The following ADARB2 variants were observed in gnomAD, a reference collection of about 807,000 sequenced individuals.
The protein encoded by ADARB2 is adenosine deaminase RNA specific B2 (inactive).
A neutral mutation model predicts 62.2 loss-of-function variants in ADARB2; 25 were observed. That is an observed-to-expected ratio of 0.40 (90% CI 0.29 to 0.56). ADARB2 has a LOEUF of 0.56. Ranked by LOEUF, ADARB2 falls within the 20% of genes least tolerant of loss-of-function variation. ADARB2 has a pLI of 0.43. For missense variants in ADARB2, 1,071 were observed against 1,077.4 expected, an observed-to-expected ratio of 0.99 and a Z score of 0.08; for synonymous variants, 572 against 500.8, an observed-to-expected ratio of 1.14 and a Z score of -1.90.
At chr10:1,316,562 C>T (rs111894690) in intron 3 of ADARB2, among the ~76,000 whole-genome samples, 4 of 152,238 alleles carry the variant, frequency 2.6e-5, no homozygotes, top group East Asian at 1.9e-4. Context: ...TCCTCCTACC[C>T]GGAATAGGAT....
chr10:1,635,472 T>C (rs1380607996), intron 1 of ADARB2, among the ~76,000 whole-genome samples: 1 of 152,164 alleles, frequency 6.6e-6, no homozygotes, highest in Non-Finnish European at 1.5e-5. Context: ...AATTTTCCCT[T>C]GGAGAAGACC....
In ADARB2 at chr10:1,527,193, C is replaced by A. The variant is rs941179916; in HGVS notation, c.101-148033G>T. On this transcript the variant is annotated intron_variant, in intron 1 of 9. Coordinates refer to ENST00000381312, the MANE Select transcript of ADARB2 (RefSeq NM_018702.4). ...TCCCTCAGTTTAAAACTACAGTGCTCGCCACAGAATCTCACTTCCAATTCC... is the reference window on the plus strand; with the variant it reads ...TCCCTCAGTTTAAAACTACAGTGCTAGCCACAGAATCTCACTTCCAATTCC... Among the ~76,000 whole-genome samples, 6 of 152,184 alleles carry A rather than the reference C, an allele frequency of 3.9e-5. No individual in the cohort carries two copies. In the East Asian group the frequency reaches 1.2e-3, roughly 29 times the overall value.
At chr10:1,567,140 T>A (rs1336368845) in intron 1 of ADARB2, among the ~76,000 whole-genome samples, 1 of 152,102 alleles carries the variant, frequency 6.6e-6, no homozygotes, top group Non-Finnish European at 1.5e-5. Context: ...TGAGGGTGAC[T>A]GGGGGTCCCT....
At chr10:1,635,315 C>A (rs1833905957) in intron 1 of ADARB2, among the ~76,000 whole-genome samples, 1 of 152,202 alleles carries the variant, frequency 6.6e-6, no homozygotes, top group South Asian at 2.1e-4. Flanking sequence ...GTGCAAAGTG[C>A]TGGGCCTGGA....
At chr10:1,467,854 G>A (rs955828687) in intron 1 of ADARB2, among the ~76,000 whole-genome samples, 2 of 152,164 alleles carry the variant, frequency 1.3e-5, no homozygotes, top group African/African-American at 2.4e-5. Flanking sequence ...CTGACATAGC[G>A]CTGTGTCCCT....
At chr10:1,449,552 A>G (rs1831013138) in intron 1 of ADARB2, among the ~76,000 whole-genome samples, 1 of 152,188 alleles carries the variant, frequency 6.6e-6, no homozygotes, top group South Asian at 2.1e-4. Flanking sequence ...ATAGCTTCAT[A>G]AAGTCTCCTG....
Position 1,255,488 on chromosome 10 carries a change from G to A in ADARB2, c.1193-13189C>T, listed in dbSNP as rs895539673. The stretch of plus-strand genomic sequence containing the variant: ...AGCCCAGAAACCATGCCAGGCTGAC[G>A]CTGGCTGCTGTCCACCTGTGATGGC... On this transcript the variant is annotated intron_variant, in intron 4 of 9. Coordinates refer to ENST00000381312, the MANE Select transcript of ADARB2 (RefSeq NM_018702.4). The surrounding 1 kb of genome is among the most constrained non-coding windows in gnomAD (Gnocchi z 4.7). Among the ~76,000 whole-genome samples, 2 of 152,254 alleles carry A rather than the reference G, an allele frequency of 1.3e-5. No individual in the cohort carries two copies. Among genetic ancestry groups the A allele is most frequent in the Non-Finnish European group, 2.9e-5 (2 of 68,042 alleles).
At chr10:1,232,516 CTGTG>C (rs1380621314) in intron 6 of ADARB2, among the ~76,000 whole-genome samples, 6 of 127,170 alleles carry the variant, frequency 4.7e-5, no homozygotes, top group Non-Finnish European at 1.0e-4. Flanking sequence ...GTGGTATGTG[CTGTG>C]TGTGATGTGT....
chr10:1,648,082 G>A (rs939484668), intron 1 of ADARB2, among the ~76,000 whole-genome samples: 3 of 152,174 alleles, frequency 2.0e-5, no homozygotes, highest in Non-Finnish European at 4.4e-5. Flanking sequence ...AGACATGTTA[G>A]CAGAAAGTTT....
At chr10:1,486,771 T>C (rs1588275004) in intron 1 of ADARB2, among the ~76,000 whole-genome samples, 1 of 152,074 alleles carries the variant, frequency 6.6e-6, no homozygotes, top group African/African-American at 2.4e-5. Flanking sequence ...TGCTACCACA[T>C]GGGAAGGTAT....
At chr10:1,341,638 C>T (rs1388712659) in intron 3 of ADARB2, among the ~76,000 whole-genome samples, 1 of 149,114 alleles carries the variant, frequency 6.7e-6, no homozygotes, top group Middle Eastern at 3.6e-3. Flanking sequence ...CAGAGAACAA[C>T]GTGCCCTGCA....
At chr10:1,321,287 G>A (rs1162923726) in intron 3 of ADARB2, among the ~76,000 whole-genome samples, 2 of 152,120 alleles carry the variant, frequency 1.3e-5, no homozygotes, top group Admixed American at 6.5e-5. Context: ...GTCCTCATCC[G>A]GAAGATCCCT....
chr10:1,613,126 T>C (rs926360786), intron 1 of ADARB2, among the ~76,000 whole-genome samples: 2 of 152,162 alleles, frequency 1.3e-5, no homozygotes, highest in Admixed American at 1.3e-4. Flanking sequence ...GAGATAAAAG[T>C]AAACTTTACT....
chr10:1,582,830 G>A (rs1050119639), intron 1 of ADARB2, among the ~76,000 whole-genome samples: 4 of 152,154 alleles, frequency 2.6e-5, no homozygotes, highest in East Asian at 3.9e-4. Flanking sequence ...CACCCTCCTC[G>A]TAGTGCCCTT....
intron 1 of ADARB2, among the ~76,000 whole-genome samples, chr10:1,407,899 T>A (rs938510597): frequency 6.6e-6 from 1 of 152,192 alleles, no homozygotes; most frequent in African/African-American, 2.4e-5. Context: ...AAGAGAGAAG[T>A]GAGGAGGCTG....
At position 1,276,017 on chromosome 10, in the gene ADARB2, T is replaced by C. The variant is rs556928636; in HGVS notation, c.1078-4948A>G. On this transcript the variant is annotated intron_variant, in intron 3 of 9. Transcript: ENST00000381312. ...CATGATTTATAATCCTTTGGGTATA[T>C]ACCTGGTAATGGGATGGCTAGGTCA... is the stretch of plus-strand genomic sequence containing the variant. Among the ~76,000 whole-genome samples, 793 of 152,264 alleles carry C rather than the reference T, an allele frequency of 5.2e-3. 14 individuals are homozygous for C. Among genetic ancestry groups the C allele is most frequent in the African/African-American group, 0.018 (737 of 41,530 alleles).
At chr10:1,440,260 C>T (rs1041470028) in intron 1 of ADARB2, among the ~76,000 whole-genome samples, 1 of 152,176 alleles carries the variant, frequency 6.6e-6, no homozygotes. Context: ...CTGAGCAGCA[C>T]CTGGGCTCCG....
chr10:1,379,706 C>A (rs1235589356), intron 1 of ADARB2, among the ~76,000 whole-genome samples: 1 of 152,176 alleles, frequency 6.6e-6, no homozygotes, highest in Non-Finnish European at 1.5e-5. Flanking sequence ...TGGGGCAGAG[C>A]ATGCACAGTC....
intron 1 of ADARB2, among the ~76,000 whole-genome samples, chr10:1,580,437 G>A (rs11250641): frequency 6.6e-6 from 1 of 151,478 alleles, no homozygotes; most frequent in African/African-American, 2.4e-5. Context: ...TATATATGTT[G>A]GTCTGGCATT....
Sources: allele counts gnomAD v4.1 joint callset (sites outside exome capture counted in the v4.1 genomes callset), GRCh38; gene constraint gnomAD v4.1.1; non-coding constraint Gnocchi (gnomAD v3.1); transcripts MANE v1.5; gene names NCBI Gene and HGNC (gene_info 2026-07-23, HGNC 2026-07-21).